PRMT8: variants seen among roughly 807,000 people sequenced by gnomAD.
PRMT8 encodes protein arginine N-methyltransferase 8.
In PRMT8, 7 loss-of-function variants were observed where a neutral mutation model predicts 47.1. The observed-to-expected ratio is 0.15, with a 90% CI of 0.08 to 0.28. The LOEUF is 0.28. Among genes scored for constraint, PRMT8 ranks in the 10% least tolerant of loss-of-function variants. PRMT8 has a pLI of 1.00. For missense variants in PRMT8, 237 were observed against 505.4 expected, an observed-to-expected ratio of 0.47 and a Z score of 5.09; for synonymous variants, 188 against 186.5, an observed-to-expected ratio of 1.01 and a Z score of -0.07.
chr12:3,531,036 A>G (rs1313810624), intron 1 of PRMT8, among the ~76,000 whole-genome samples: 1 of 152,216 alleles, frequency 6.6e-6, no homozygotes, highest in Non-Finnish European at 1.5e-5. Flanking sequence ...CTGTGTGCCT[A>G]CGAAGCGGGT....
In PRMT8 at chr12:3,593,960, C is replaced by T. The variant is rs1471006006; in HGVS notation, c.*778C>T. 1 of 152,972 alleles carries T rather than the reference C, an allele frequency of 6.5e-6. No individual in the cohort carries two copies. Among genetic ancestry groups the T allele is most frequent in the East Asian group, 1.9e-4 (1 of 5,192 alleles). 9.5% of individuals were successfully genotyped at this position (152,972 alleles called of 1,614,324 possible). ...GGACTCCGTGGGCGCTCAATAAACA[C>T]ACATGAGAACAAACTGGTGGGATGG... On this transcript the variant is annotated 3_prime_UTR_variant, in exon 10 of 10. Transcript: ENST00000382622. The surrounding 1 kb of genome is among the most constrained non-coding windows in gnomAD (Gnocchi z 4.8).
Position 3,538,759 on chromosome 12 carries a change from C to T in PRMT8, c.76-1847C>T, listed in dbSNP as rs1349407010. ...TGCACTTGACACAGTCTATTTTTAG[C>T]CTCCCAGAGACCGTGACCAACATCC... On this transcript the variant is annotated intron_variant, in intron 1 of 9. Coordinates refer to ENST00000382622, the MANE Select transcript of PRMT8 (RefSeq NM_019854.5). This position sits in a 1 kb window ranked among gnomAD's most constrained non-coding sequence, Gnocchi z 4.6. The T allele has an allele frequency of 1.2e-5, 6 of 518,550 alleles. No homozygotes were observed. The Admixed American group carries it at 1.2e-4, about 10-fold the overall frequency. 32.1% of individuals were successfully genotyped at this position (518,550 alleles called of 1,614,324 possible). A position where few individuals can be genotyped will look rare whatever the true frequency, so the allele number is the denominator to read the frequency against.
intron 1 of PRMT8, among the ~76,000 whole-genome samples, chr12:3,512,385 T>C (rs1865726265): frequency 6.6e-6 from 1 of 152,126 alleles, no homozygotes; most frequent in African/African-American, 2.4e-5. Flanking sequence ...CTGGCTGGAT[T>C]TCTCTTGCTT....
intron 1 of PRMT8, among the ~76,000 whole-genome samples, chr12:3,476,536 C>T (rs985019172): frequency 6.6e-6 from 1 of 152,174 alleles, no homozygotes; most frequent in Admixed American, 6.5e-5. Context: ...ATCCCTGGCT[C>T]ATTAGCAAGC....
intron 2 of PRMT8, among the ~76,000 whole-genome samples, chr12:3,548,720 C>T (rs1433035082): frequency 6.6e-6 from 1 of 152,168 alleles, no homozygotes; most frequent in Non-Finnish European, 1.5e-5. Context: ...TGAACTCTCA[C>T]ATTGCTGGTT....
Position 3,583,149 on chromosome 12 carries a change from T to C in PRMT8, c.920T>C (p.Leu307Pro), listed in dbSNP as rs1243508383. The change falls in exon 8 of 10, where the codon CTG becomes CCG. Residue 307 changes from leucine to proline, a missense_variant. Around this residue, in one of 5 missense-constraint regions of PRMT8, gnomAD observed 151 missense variants for 341.1 expected, o/e 0.44. Transcript: ENST00000382622. This position sits in a 1 kb window ranked among gnomAD's most constrained non-coding sequence, Gnocchi z 4.7. The part of the protein sequence containing the change: ...QIQRNDYVHA[L>P]VTYFNIEFTK... ...CAGCGCAACGACTACGTCCACGCCCTGGTCACCTATTTTAATATTGAATTT... is the reference window on the plus strand; with the variant it reads ...CAGCGCAACGACTACGTCCACGCCCCGGTCACCTATTTTAATATTGAATTT... 6.2e-7 allele frequency: 1 copy of C among 1,613,984 alleles called. No homozygotes were observed. Among genetic ancestry groups the C allele is most frequent in the Non-Finnish European group, 8.5e-7 (1 of 1,179,994 alleles).
At chr12:3,488,012 G>A (rs540489418), upstream of PRMT8, among the ~76,000 whole-genome samples, 5 of 152,304 alleles carry the variant, frequency 3.3e-5, no homozygotes, top group South Asian at 2.1e-4. Context: ...GAGAACCACT[G>A]TCTTGCTCCC....
At chr12:3,418,980 T>C (rs1240927539) in intron 1 of PRMT8, among the ~76,000 whole-genome samples, 1 of 152,356 alleles carries the variant, frequency 6.6e-6, no homozygotes, top group African/African-American at 2.4e-5. Context: ...TAGAATGTGA[T>C]GAATCAGAGG....
At chr12:3,525,020 G>A (rs927654580) in intron 1 of PRMT8, among the ~76,000 whole-genome samples, 13 of 152,192 alleles carry the variant, frequency 8.5e-5, no homozygotes, top group Non-Finnish European at 1.6e-4. Flanking sequence ...GTAGGAGTTC[G>A]ACACCAGCCT....
chr12:3,401,000 A>G (rs1864309091), intron 1 of PRMT8, among the ~76,000 whole-genome samples: 1 of 152,030 alleles, frequency 6.6e-6, no homozygotes. Flanking sequence ...AAAAAAAATT[A>G]GCTGGGCACA....
intron 1 of PRMT8, among the ~76,000 whole-genome samples, chr12:3,396,575 A>C (rs1269296896): frequency 6.6e-6 from 1 of 152,088 alleles, no homozygotes; most frequent in Non-Finnish European, 1.5e-5. Context: ...TTTCTGCCGA[A>C]AGATCCACTG....
At chr12:3,391,300 C>T (rs150791393) in intron 1 of PRMT8, among the ~76,000 whole-genome samples, 1 of 152,178 alleles carries the variant, frequency 6.6e-6, no homozygotes, top group Non-Finnish European at 1.5e-5. Context: ...CAACAGAATA[C>T]ATGCTTAGGA....
At chr12:3,450,051 G>C (rs1183915016) in intron 1 of PRMT8, among the ~76,000 whole-genome samples, 2 of 152,136 alleles carry the variant, frequency 1.3e-5, no homozygotes, top group African/African-American at 4.8e-5. Context: ...CATTTATTCT[G>C]TTGCCATATC....
At chr12:3,482,884 A>G (rs1456214637) in intron 1 of PRMT8, among the ~76,000 whole-genome samples, 1 of 152,136 alleles carries the variant, frequency 6.6e-6, no homozygotes, top group African/African-American at 2.4e-5. Context: ...GCAAATGGGA[A>G]TTTTGGGGGC....
rs1175351471 is a variant in PRMT8 at position 3,580,091 on chromosome 12, A to G, written c.829-2967A>G. On this transcript the variant is annotated intron_variant, in intron 7 of 9. Coordinates refer to ENST00000382622, the MANE Select transcript of PRMT8 (RefSeq NM_019854.5). This position sits in a 1 kb window ranked among gnomAD's most constrained non-coding sequence, Gnocchi z 4.6. ...CCTAGCTACAGCTGATCCCATCCTC[A>G]CAGATGGCCTGGACCCCCATTCCAA... 6.6e-6 allele frequency among the ~76,000 whole-genome samples: 1 copy of G among 152,144 alleles called. No homozygotes were observed. The highest frequency in any genetic ancestry group is 1.5e-5 in the Non-Finnish European group (1 of 68,022).
chr12:3,514,211 CTT>C lies in PRMT8; in HGVS notation c.75+22524_75+22525del, dbSNP rs377360240. On this transcript the variant is annotated intron_variant, in intron 1 of 9. Transcript: ENST00000382622. The surrounding 1 kb of genome is among the most constrained non-coding windows in gnomAD (Gnocchi z 5.9). The stretch of plus-strand genomic sequence containing the variant: ...TCTAGCCTCTCTGAATTCATCCTGC[CTT>C]TTTTTTTTTTTTCTGTTACCCCTAA... Among the ~76,000 whole-genome samples the C allele has an allele frequency of 1.4e-5, 2 of 141,880 alleles. No homozygotes were observed. 93.1% of individuals were successfully genotyped at this position (141,880 alleles called of 152,430 possible). A position where few individuals can be genotyped will look rare whatever the true frequency, so the allele number is the denominator to read the frequency against.
intron 1 of PRMT8, among the ~76,000 whole-genome samples, chr12:3,499,210 TTATAC>T (rs1865555389): frequency 7.6e-6 from 1 of 131,074 alleles, no homozygotes; most frequent in Non-Finnish European, 1.6e-5. Context: ...TTTTTTTTTA[TTATAC>T]TCTAAGTTTT....
At chr12:3,397,626 G>C (rs1443631153) in intron 1 of PRMT8, among the ~76,000 whole-genome samples, 1 of 151,990 alleles carries the variant, frequency 6.6e-6, no homozygotes. Context: ...CTGTCAGACA[G>C]GGACATTTAA....
intron 8 of PRMT8, among the ~76,000 whole-genome samples, chr12:3,586,540 G>A (rs1449816551): frequency 6.6e-6 from 1 of 152,198 alleles, no homozygotes; most frequent in African/African-American, 2.4e-5. Context: ...TTGGGGAAGT[G>A]GTTCTCAAAG....
Sources: allele counts gnomAD v4.1 joint callset (sites outside exome capture counted in the v4.1 genomes callset), GRCh38; gene constraint gnomAD v4.1.1; regional missense constraint gnomAD v4.1.1; non-coding constraint Gnocchi (gnomAD v3.1); transcripts MANE v1.5; gene names NCBI Gene and HGNC (gene_info 2026-07-23, HGNC 2026-07-21).